The following TGFBR3 variants were observed in gnomAD, a reference collection of about 807,000 sequenced individuals.
TGFBR3 encodes transforming growth factor beta receptor 3, also known as transforming growth factor beta receptor type 3.
TGFBR3 carries 46 observed loss-of-function variants against 87.9 expected under a neutral mutation model. The ratio of observed to expected loss-of-function variants is 0.52; its 90% CI spans 0.41 to 0.67. The LOEUF is 0.67. Ranked by LOEUF, TGFBR3 falls within the 30% of genes least tolerant of loss-of-function variation. The pLI is 0.00. For missense variants in TGFBR3, 866 were observed against 1,041.9 expected (o/e 0.83, Z 2.32); for synonymous variants, 381 against 391.6 (o/e 0.97, Z 0.32).
intron 4 of TGFBR3, among the ~76,000 whole-genome samples, chr1:91,739,063 G>A (rs1295521057): frequency 6.6e-6 from 1 of 152,168 alleles, no homozygotes; most frequent in Non-Finnish European, 1.5e-5. Context: ...GCTGAGAGGA[G>A]GTTGGTAGGA....
At position 91,681,946 on chromosome 1, in the gene TGFBR3, C is replaced by T. The variant is rs922635899; in HGVS notation, c.*1793G>A. 2.0e-5 allele frequency: 9 copies of T among 452,510 alleles called. No individual in the cohort carries two copies. The highest frequency in any genetic ancestry group is 1.2e-4 in the African/African-American group (6 of 49,738). The allele number at this position is 452,510 out of a possible 1,614,324, so 28.0% of individuals were successfully genotyped here. A position where few individuals can be genotyped will look rare whatever the true frequency, so the allele number is the denominator to read the frequency against. ...AAATTCTCTAAACTCATGTCTTCTT[C>T]GTTTGTATATGGAAATCTAGAAATT... On this transcript the variant is annotated 3_prime_UTR_variant, in exon 17 of 17. Coordinates refer to ENST00000212355, the MANE Select transcript of TGFBR3 (RefSeq NM_003243.5).
intron 16 of TGFBR3, among the ~76,000 whole-genome samples, chr1:91,687,359 AAAAC>A (rs777607637): frequency 3.9e-5 from 6 of 152,202 alleles, no homozygotes; most frequent in Admixed American, 6.5e-5. Flanking sequence ...AAAAGAAGCA[AAAAC>A]AAACAAACAA....
rs1347331194 is a variant in TGFBR3 at position 91,886,061 on chromosome 1, GA to G, written c.-298del. 6.6e-6 allele frequency: 3 copies of G among 453,940 alleles called. No individual in the cohort carries two copies. The Admixed American group carries it at 7.0e-5, about 11-fold the overall frequency. The allele number at this position is 453,940 out of a possible 1,614,324, so 28.1% of individuals were successfully genotyped here. A position where few individuals can be genotyped will look rare whatever the true frequency, so the allele number is the denominator to read the frequency against. On this transcript the variant is annotated 5_prime_UTR_variant, in exon 1 of 17. Transcript: ENST00000212355. ...CAGGGAGCTCCGGGAATCGCGCAGG[GA>G]AAGTGGCCGGGGCGCGAGAGCCGCC...
chr1:91,828,262 T>C (rs934274668), intron 2 of TGFBR3, among the ~76,000 whole-genome samples: 7 of 152,124 alleles, frequency 4.6e-5, no homozygotes, highest in Non-Finnish European at 1.0e-4. Flanking sequence ...CTTTCAAATG[T>C]AACCATGCAC....
Position 91,797,844 on chromosome 1 carries a change from C to A in TGFBR3, c.62-373G>T, listed in dbSNP as rs1398580059. ...TACTATACATAAATAATATTAAATA[C>A]CTAAAATTGCACTTAACAAAAGTAT... is the stretch of plus-strand genomic sequence containing the variant. On this transcript the variant is annotated intron_variant, in intron 2 of 16. Coordinates refer to ENST00000212355, the MANE Select transcript of TGFBR3 (RefSeq NM_003243.5). 1.4e-4 allele frequency among the ~76,000 whole-genome samples: 22 copies of A among 152,102 alleles called. 1 individual carries two copies. The highest frequency in any genetic ancestry group is 1.4e-3 in the Admixed American group (22 of 15,250).
At chr1:91,813,410 T>C (rs1328180567) in intron 2 of TGFBR3, among the ~76,000 whole-genome samples, 1 of 152,206 alleles carries the variant, frequency 6.6e-6, no homozygotes, top group Non-Finnish European at 1.5e-5. Flanking sequence ...ATGACAAAGT[T>C]CTTATGGTCC....
intron 3 of TGFBR3, chr1:91,770,825 T>C (rs530002365): frequency 6.6e-6 from 1 of 152,324 alleles, no homozygotes; most frequent in Admixed American, 6.5e-5. Flanking sequence ...AACCATGTGA[T>C]GTGTACACAT....
At chr1:91,842,300 T>C (rs940200904) in intron 2 of TGFBR3, among the ~76,000 whole-genome samples, 7 of 152,016 alleles carry the variant, frequency 4.6e-5, no homozygotes, top group Admixed American at 3.3e-4. Flanking sequence ...GGAGTTTCTG[T>C]GGTTAGAGAG....
intron 3 of TGFBR3, among the ~76,000 whole-genome samples, chr1:91,761,672 G>A (rs1673969913): frequency 1.3e-5 from 2 of 151,698 alleles, no homozygotes; most frequent in South Asian, 4.2e-4. Context: ...AAGAACCATG[G>A]TATAAAAGCT....
At chr1:91,827,974 G>T (rs1676707808) in intron 2 of TGFBR3, among the ~76,000 whole-genome samples, 1 of 152,204 alleles carries the variant, frequency 6.6e-6, no homozygotes. Flanking sequence ...GGGTAACTAT[G>T]AATGGATGCA....
intron 3 of TGFBR3, 89 bp from the exon 4 acceptor site, chr1:91,758,839 A>G: frequency 6.6e-7 from 1 of 1,504,378 alleles, no homozygotes; most frequent in Non-Finnish European, 9.2e-7. Flanking sequence ...TTTTTTTGCA[A>G]CTCACTATCA....
chr1:91,900,648 GACTC>G (rs1172566853), intron 1 of TGFBR3, among the ~76,000 whole-genome samples: 1 of 152,108 alleles, frequency 6.6e-6, no homozygotes, highest in Non-Finnish European at 1.5e-5. Context: ...ATATATTCTT[GACTC>G]ACTCTTTTCT....
At chr1:91,866,279 A>C (rs1348042019) in intron 1 of TGFBR3, among the ~76,000 whole-genome samples, 1 of 152,198 alleles carries the variant, frequency 6.6e-6, no homozygotes, top group Non-Finnish European at 1.5e-5. Context: ...AAAAATTAGT[A>C]GCTTCCCCTT....
intron 3 of TGFBR3, among the ~76,000 whole-genome samples, chr1:91,785,327 G>T (rs1246195490): frequency 2.6e-5 from 4 of 152,220 alleles, no homozygotes; most frequent in Non-Finnish European, 5.9e-5. Flanking sequence ...GGGTCGTGGG[G>T]GGCACACACA....
rs1212733906 is a variant in TGFBR3 at position 91,719,423 on chromosome 1, A to G, written c.1455T>C (p.Pro485=). The G allele has an allele frequency of 3.7e-6, 6 of 1,614,048 alleles. No individual in the cohort carries two copies. The African/African-American group carries it at 4.0e-5, about 11-fold the overall frequency. Residue 485 remains proline, a synonymous_variant, in exon 10 of 17, where the codon CCT becomes CCC. Coordinates refer to ENST00000212355, the MANE Select transcript of TGFBR3 (RefSeq NM_003243.5). ...TGCCATTCATCTTGGCCTTGCAGGT[A>G]GGATCCAACAGGGTGACGTCCATCC... ...YSGMDVTLLD[P]TCKAKMNGTH...
At chr1:91,757,101 A>C (rs1673771854) in intron 4 of TGFBR3, among the ~76,000 whole-genome samples, 1 of 152,176 alleles carries the variant, frequency 6.6e-6, no homozygotes, top group African/African-American at 2.4e-5. Flanking sequence ...AACAGGATCC[A>C]GCTCAGGATC....
chr1:91,725,422 T>A (rs1185395039), intron 7 of TGFBR3, among the ~76,000 whole-genome samples: 1 of 152,222 alleles, frequency 6.6e-6, no homozygotes, highest in African/African-American at 2.4e-5. Flanking sequence ...CCCCTTTTTA[T>A]GGCAGGCACT....
At chr1:91,811,888 CTTT>C (rs754451265) in intron 2 of TGFBR3, among the ~76,000 whole-genome samples, 65 of 141,536 alleles carry the variant, frequency 4.6e-4, no homozygotes, top group African/African-American at 1.6e-3. Flanking sequence ...GCTGATTTCC[CTTT>C]TTTTTTTTTT....
At chr1:91,727,906 T>C in intron 6 of TGFBR3, 100 bp from the exon 7 acceptor site, 2 of 1,446,384 alleles carry the variant, frequency 1.4e-6, no homozygotes, top group African/African-American at 1.4e-5. Context: ...TCTGGCCAGT[T>C]GATTAAAAAG....
Sources: allele counts gnomAD v4.1 joint callset (sites outside exome capture counted in the v4.1 genomes callset), GRCh38; gene constraint gnomAD v4.1.1; transcripts MANE v1.5; gene names NCBI Gene and HGNC (gene_info 2026-07-23, HGNC 2026-07-21).